Variants in AGBL4 observed in about 807,000 individuals in gnomAD.
The protein encoded by AGBL4 is AGBL carboxypeptidase 4.
Under a neutral mutation model 66.4 loss-of-function variants are expected in AGBL4, and 58 were observed. The ratio of observed to expected loss-of-function variants is 0.87; its 90% CI spans 0.71 to 1.09. AGBL4 has a LOEUF of 1.09. Among genes scored for constraint, AGBL4 ranks in the 50% least tolerant of loss-of-function variants. AGBL4 has a pLI of 0.00. For synonymous variants in AGBL4, 234 were observed against 222.9 expected, an observed-to-expected ratio of 1.05 and a Z score of -0.44; for missense variants, 579 against 631.0, an observed-to-expected ratio of 0.92 and a Z score of 0.88.
intron 3 of AGBL4, among the ~76,000 whole-genome samples, chr1:49,294,313 G>A (rs1266437081): frequency 1.3e-5 from 2 of 152,104 alleles, no homozygotes; most frequent in African/African-American, 2.4e-5. Context: ...GGATCCCTCT[G>A]GGCAAATGAA....
intron 3 of AGBL4, among the ~76,000 whole-genome samples, chr1:49,487,974 G>A (rs1034343747): frequency 2.3e-4 from 35 of 151,768 alleles, no homozygotes; most frequent in African/African-American, 8.2e-4. Context: ...GATTATTTGT[G>A]TTTTTATAAA....
intron 1 of AGBL4, among the ~76,000 whole-genome samples, chr1:49,989,018 C>CT (rs1659722796): frequency 6.6e-6 from 1 of 152,076 alleles, no homozygotes; most frequent in Non-Finnish European, 1.5e-5. Context: ...GAAACAAACC[C>CT]GTATTTGTGC....
intron 4 of AGBL4, among the ~76,000 whole-genome samples, chr1:49,116,699 A>C (rs1349719264): frequency 2.0e-5 from 3 of 152,216 alleles, no homozygotes; most frequent in African/African-American, 7.2e-5. Context: ...ATGTGTCTTT[A>C]TAGTAGCATG....
chr1:49,502,602 G>T (rs989210747), intron 3 of AGBL4, among the ~76,000 whole-genome samples: 1 of 152,078 alleles, frequency 6.6e-6, no homozygotes, highest in Non-Finnish European at 1.5e-5. Context: ...ACTTCCTAGA[G>T]AATTGTTGAA....
chr1:49,541,640 C>T (rs1336851788), intron 3 of AGBL4, among the ~76,000 whole-genome samples: 1 of 152,134 alleles, frequency 6.6e-6, no homozygotes, highest in East Asian at 1.9e-4. Flanking sequence ...CTGTGCAGCC[C>T]CAGCCTCCCC....
At position 48,804,240 on chromosome 1, in the gene AGBL4, A is replaced by G. The variant is rs1645872839; in HGVS notation, c.634+62951T>C. 2.0e-5 allele frequency among the ~76,000 whole-genome samples: 3 copies of G among 152,302 alleles called. 1 individual carries two copies. In the South Asian group the frequency reaches 6.2e-4, roughly 32 times the overall value. Reference sequence around the variant, plus strand: ...TATCTCCTCTACTGCCTCTTCTCCAATCCATTCCATGTGCAATAGCCAAAG... The same window carrying G: ...TATCTCCTCTACTGCCTCTTCTCCAGTCCATTCCATGTGCAATAGCCAAAG... On this transcript the variant is annotated intron_variant, in intron 6 of 13. Transcript: ENST00000371839.
chr1:49,303,157 T>C (rs1644786120), intron 3 of AGBL4, among the ~76,000 whole-genome samples: 1 of 152,182 alleles, frequency 6.6e-6, no homozygotes, highest in South Asian at 2.1e-4. Flanking sequence ...TGATTTATAT[T>C]TCTTTGAGTA....
intron 1 of AGBL4, among the ~76,000 whole-genome samples, chr1:50,002,855 T>C (rs1042305336): frequency 6.6e-6 from 1 of 152,194 alleles, no homozygotes; most frequent in Non-Finnish European, 1.5e-5. Context: ...ACTCTCTGTA[T>C]GGATGCCAAG....
At chr1:48,555,674 G>A (rs1436222959) in intron 11 of AGBL4, among the ~76,000 whole-genome samples, 1 of 152,134 alleles carries the variant, frequency 6.6e-6, no homozygotes, top group Non-Finnish European at 1.5e-5. Context: ...GTTCCAGGGT[G>A]ATTTCTCCTG....
intron 2 of AGBL4, among the ~76,000 whole-genome samples, chr1:49,798,737 A>G (rs550822708): frequency 6.6e-6 from 1 of 152,276 alleles, no homozygotes; most frequent in Admixed American, 6.5e-5. Flanking sequence ...CTATATGACA[A>G]TTGCAGTGTT....
At chr1:48,802,194 CT>C (rs1042917177) in intron 6 of AGBL4, among the ~76,000 whole-genome samples, 5 of 152,124 alleles carry the variant, frequency 3.3e-5, no homozygotes, top group Admixed American at 3.3e-4. Context: ...ACACACCATG[CT>C]TTTTTATGCC....
At chr1:49,969,916 A>T (rs1054152293) in intron 1 of AGBL4, among the ~76,000 whole-genome samples, 1 of 152,212 alleles carries the variant, frequency 6.6e-6, no homozygotes, top group African/African-American at 2.4e-5. Context: ...AGACCAATAG[A>T]ACAGAACAGA....
intron 4 of AGBL4, among the ~76,000 whole-genome samples, chr1:49,166,070 A>G (rs531312053): frequency 3.3e-5 from 5 of 152,250 alleles, no homozygotes; most frequent in African/African-American, 9.6e-5. Flanking sequence ...GGACCTTAAA[A>G]GTGTCAGAGC....
intron 4 of AGBL4, among the ~76,000 whole-genome samples, chr1:49,091,839 C>T (rs1332812798): frequency 6.6e-6 from 1 of 152,068 alleles, no homozygotes; most frequent in East Asian, 1.9e-4. Context: ...TCATGGAATA[C>T]CACACAGTCA....
intron 1 of AGBL4, among the ~76,000 whole-genome samples, chr1:49,932,499 A>G (rs988129334): frequency 6.6e-6 from 1 of 152,182 alleles, no homozygotes; most frequent in Non-Finnish European, 1.5e-5. Flanking sequence ...AAAGAAATTG[A>G]TAAACTGGAC....
At chr1:48,718,965 A>G (rs777600983) in intron 6 of AGBL4, among the ~76,000 whole-genome samples, 2 of 152,158 alleles carry the variant, frequency 1.3e-5, no homozygotes, top group Non-Finnish European at 2.9e-5. Context: ...AAATGTTGAC[A>G]TTGTTATTCT....
At chr1:48,824,084 T>C (rs1163827633) in intron 6 of AGBL4, among the ~76,000 whole-genome samples, 2 of 152,198 alleles carry the variant, frequency 1.3e-5, no homozygotes, top group African/African-American at 4.8e-5. Flanking sequence ...TGAGCCTTTC[T>C]CTCTTCCTCC....
chr1:49,177,809 A>G (rs991026942), intron 4 of AGBL4, among the ~76,000 whole-genome samples: 15 of 152,320 alleles, frequency 9.8e-5, no homozygotes, highest in Admixed American at 4.6e-4. Flanking sequence ...AGACAGCATG[A>G]TATTTGCCAG....
intron 5 of AGBL4, among the ~76,000 whole-genome samples, chr1:49,006,747 G>A (rs1411410734): frequency 4.0e-5 from 6 of 151,126 alleles, no homozygotes; most frequent in Non-Finnish European, 7.4e-5. Flanking sequence ...TAACTGGGAG[G>A]CACCCCCCAG....
Sources: gnomAD v4.1 joint callset for allele counts (sites outside exome capture counted in the v4.1 genomes callset) on GRCh38, gnomAD v4.1.1 for gene constraint, MANE v1.5 for transcripts, NCBI Gene and HGNC (gene_info 2026-07-23, HGNC 2026-07-21) for gene names.